The following SRFBP1 variants were observed in gnomAD, a reference collection of about 807,000 sequenced individuals.
The protein encoded by SRFBP1 is serum response factor binding protein 1.
Under a neutral mutation model 45.5 loss-of-function variants are expected in SRFBP1, and 47 were observed. That is an observed-to-expected ratio of 1.03 (90% CI 0.82 to 1.32). The LOEUF is 1.32. Ranked by LOEUF, SRFBP1 falls within the 40% of genes most tolerant of loss-of-function variation. SRFBP1 has a pLI of 0.00. For synonymous variants in SRFBP1, 203 were observed against 166.3 expected, an observed-to-expected ratio of 1.22 and a Z score of -1.70; for missense variants, 621 against 484.6, an observed-to-expected ratio of 1.28 and a Z score of -2.64.
At chr5:122,032,255 A>G (rs536564998), downstream of SRFBP1, among the ~76,000 whole-genome samples, 4 of 142,098 alleles carry the variant, frequency 2.8e-5, no homozygotes, top group African/African-American at 8.2e-5. Flanking sequence ...TTTTTCCTCC[A>G]TCCTTGGTAG....
chr5:121,966,956 T>C (rs865830415), intron 1 of SRFBP1, among the ~76,000 whole-genome samples: 3,757 of 146,902 alleles, frequency 0.026, 157 homozygotes, highest in African/African-American at 0.088. Context: ...ATTTTTTTTT[T>C]TTTTTTTTTT....
At chr5:122,037,535 T>TA (rs368631864) in intron 2 of SRFBP1, among the ~76,000 whole-genome samples, 15 of 152,308 alleles carry the variant, frequency 9.8e-5, no homozygotes, top group African/African-American at 2.4e-4. Context: ...TTTAGAGTCT[T>TA]ACTCTGTCGC....
intron 4 of SRFBP1, among the ~76,000 whole-genome samples, chr5:122,004,995 T>C (rs1318507330): frequency 1.3e-5 from 2 of 152,202 alleles, no homozygotes; most frequent in Non-Finnish European, 2.9e-5. Flanking sequence ...TTTAATATCA[T>C]TGTGGTCAGA....
chr5:121,966,712 G>T (rs1480492700), intron 1 of SRFBP1, among the ~76,000 whole-genome samples: 1 of 152,110 alleles, frequency 6.6e-6, no homozygotes, highest in Non-Finnish European at 1.5e-5. Context: ...CTGATGGAGT[G>T]CTTTAATTTC....
At chr5:121,963,782 G>A (rs971992815) in intron 1 of SRFBP1, among the ~76,000 whole-genome samples, 4 of 152,056 alleles carry the variant, frequency 2.6e-5, no homozygotes, top group Admixed American at 1.3e-4. Context: ...GAAGTCTAGT[G>A]TGTTCTAATG....
At chr5:122,000,991 C>G (rs1176210746) in intron 4 of SRFBP1, among the ~76,000 whole-genome samples, 1 of 152,096 alleles carries the variant, frequency 6.6e-6, no homozygotes, top group Non-Finnish European at 1.5e-5. Flanking sequence ...TTGACATACA[C>G]TGACTCTGGA....
chr5:122,014,288 G>A (rs1312566896), intron 4 of SRFBP1, among the ~76,000 whole-genome samples: 1 of 152,020 alleles, frequency 6.6e-6, no homozygotes, highest in Non-Finnish European at 1.5e-5. Context: ...AGAACCTAAA[G>A]CTGTAGTATA....
intron 1 of SRFBP1, among the ~76,000 whole-genome samples, chr5:121,963,461 C>T (rs1358895859): frequency 2.0e-5 from 3 of 152,152 alleles, no homozygotes; most frequent in African/African-American, 4.8e-5. Context: ...CAGGGAGCTT[C>T]ATATCAAATT....
intron 7 of SRFBP1, among the ~76,000 whole-genome samples, chr5:122,024,587 A>AT (rs1753434171): frequency 6.6e-6 from 1 of 152,096 alleles, no homozygotes; most frequent in African/African-American, 2.4e-5. Flanking sequence ...TTTTACTCAC[A>AT]TTTTATTGGC....
chr5:122,057,164 G>A (rs1398296174), intron 2 of SRFBP1, among the ~76,000 whole-genome samples: 1 of 152,110 alleles, frequency 6.6e-6, no homozygotes, highest in African/African-American at 2.4e-5. Context: ...GATATTTCAA[G>A]TCAACAGATC....
chr5:121,971,430 A>C (rs1441954552), intron 1 of SRFBP1, among the ~76,000 whole-genome samples: 1 of 151,982 alleles, frequency 6.6e-6, no homozygotes, highest in East Asian at 1.9e-4. Context: ...ATTCTCTGAA[A>C]TATGAAACCC....
chr5:122,049,122 C>T (rs1753921838), intron 2 of SRFBP1, among the ~76,000 whole-genome samples: 1 of 151,894 alleles, frequency 6.6e-6, no homozygotes, highest in South Asian at 2.1e-4. Context: ...TTCTCTAGTT[C>T]TTTTAATTGT....
At chr5:122,074,157 A>T (rs1168325304) in intron 2 of SRFBP1, 1 of 1,613,848 alleles carries the variant, frequency 6.2e-7, no homozygotes, top group Non-Finnish European at 8.5e-7. Flanking sequence ...ACTCATCCAT[A>T]CTGTGGTAAT....
chr5:121,975,372 A>C lies in SRFBP1; in HGVS notation c.183A>C (p.Glu61Asp). The part of the protein sequence containing the change: ...NQRRAQRLLE[E>D]IHAMKELKPD... Reference sequence around the variant, plus strand: ...GACGGGCGCAAAGATTGCTTGAAGAAATCCATGCCATGAAGGTAAGGACTT... The same window carrying C: ...GACGGGCGCAAAGATTGCTTGAAGACATCCATGCCATGAAGGTAAGGACTT... Residue 61 changes from glutamate (E) to aspartate (D), a missense_variant, in exon 3 of 8, where the codon GAA becomes GAC. Physicochemically the swap from Glu to Asp is conservative, Grantham distance 45. Coordinates refer to ENST00000339397, the MANE Select transcript of SRFBP1 (RefSeq NM_152546.3). 1 of 1,613,318 alleles carries C rather than the reference A, an allele frequency of 6.2e-7. No homozygotes were observed. Among genetic ancestry groups the C allele is most frequent in the Non-Finnish European group, 8.5e-7 (1 of 1,179,394 alleles).
At chr5:121,977,573 G>A (rs1752328413) in intron 3 of SRFBP1, among the ~76,000 whole-genome samples, 1 of 151,780 alleles carries the variant, frequency 6.6e-6, no homozygotes, top group African/African-American at 2.4e-5. Flanking sequence ...TACCTACTTG[G>A]GAGTATCAAA....
downstream of SRFBP1, chr5:122,077,666 G>A (rs748722944): frequency 1.2e-6 from 2 of 1,605,260 alleles, no homozygotes; most frequent in South Asian, 1.1e-5. This position sits in a 1 kb window ranked among gnomAD's most constrained non-coding sequence, Gnocchi z 4.9. Context: ...AGATGAGCCG[G>A]CCGTCCGCGT....
At chr5:122,071,370 C>T (rs1412007938) in intron 2 of SRFBP1, among the ~76,000 whole-genome samples, 2 of 152,054 alleles carry the variant, frequency 1.3e-5, no homozygotes, top group African/African-American at 4.8e-5. Flanking sequence ...TAATCAAGGT[C>T]CAGAGTCCCT....
chr5:122,027,113 C>T lies in SRFBP1; in HGVS notation c.1277C>T (p.Thr426Met), dbSNP rs762073458. Residue 426 changes from threonine (T) to methionine (M), a missense_variant, in exon 8 of 8, where the codon ACG becomes ATG. By Grantham distance (81) the Thr-to-Met change is moderately conservative. Coordinates refer to ENST00000339397, the MANE Select transcript of SRFBP1 (RefSeq NM_152546.3). ...NIAVFQGKKITFDD is the reference protein window; with the variant it reads ...NIAVFQGKKIMFDD ...GCTGTGTTTCAGGGGAAAAAAATTACGTTTGATGATTGATTAGTGCCTCTT... is the reference window on the plus strand; with the variant it reads ...GCTGTGTTTCAGGGGAAAAAAATTATGTTTGATGATTGATTAGTGCCTCTT... 3.7e-6 allele frequency: 6 copies of T among 1,600,016 alleles called. No individual in the cohort carries two copies. Among genetic ancestry groups the T allele is most frequent in the South Asian group, 2.3e-5 (2 of 87,598 alleles).
At chr5:122,029,554 A>G (rs1263242824), downstream of SRFBP1, among the ~76,000 whole-genome samples, 1 of 151,316 alleles carries the variant, frequency 6.6e-6, no homozygotes, top group Non-Finnish European at 1.5e-5. Context: ...ATTTTGCCTC[A>G]CAAATTCTAA....
Sources: allele counts gnomAD v4.1 joint callset (sites outside exome capture counted in the v4.1 genomes callset), GRCh38; gene constraint gnomAD v4.1.1; non-coding constraint Gnocchi (gnomAD v3.1); transcripts MANE v1.5; gene names NCBI Gene and HGNC (gene_info 2026-07-23, HGNC 2026-07-21).